The following PTPRD variants were observed in gnomAD, a reference collection of about 807,000 sequenced individuals.
The protein encoded by PTPRD is protein tyrosine phosphatase receptor type D, also known as receptor-type tyrosine-protein phosphatase delta.
In PTPRD, 34 loss-of-function variants were observed where a neutral mutation model predicts 214.5. That is an observed-to-expected ratio of 0.16 (90% CI 0.12 to 0.21). The LOEUF (loss-of-function observed/expected upper bound fraction) is 0.21. Among genes scored for constraint, PTPRD ranks in the 10% least tolerant of loss-of-function variants. The pLI, the probability that PTPRD is intolerant of heterozygous loss-of-function variation, is 1.00. For synonymous variants in PTPRD, 1,128 were observed against 845.7 expected (o/e 1.33, Z -5.79); for missense variants, 2,545 against 2,398.7 (o/e 1.06, Z -1.27).
chr9:10,162,138 C>T (rs1468695660), intron 3 of PTPRD, among the ~76,000 whole-genome samples: 2 of 151,452 alleles, frequency 1.3e-5, no homozygotes, highest in Admixed American at 6.6e-5. Flanking sequence ...TATGAAGGTT[C>T]CTCAATAAAT....
intron 3 of PTPRD, among the ~76,000 whole-genome samples, chr9:10,156,632 G>A (rs2099095026): frequency 6.6e-6 from 1 of 152,166 alleles, no homozygotes; most frequent in African/African-American, 2.4e-5. Context: ...AGAGAGTTGT[G>A]TAGATGTCTA....
intron 4 of PTPRD, among the ~76,000 whole-genome samples, chr9:9,986,214 TAA>T (rs917328210): frequency 6.6e-6 from 1 of 152,132 alleles, no homozygotes; most frequent in African/African-American, 2.4e-5. Context: ...CCGAAAGTTT[TAA>T]AATGTTGTAT....
intron 7 of PTPRD, among the ~76,000 whole-genome samples, chr9:9,638,352 G>A (rs1417673948): frequency 2.0e-5 from 3 of 152,244 alleles, no homozygotes; most frequent in East Asian, 3.9e-4. Context: ...TCACTCTTAA[G>A]TTCTGCCTTC....
intron 21 of PTPRD, among the ~76,000 whole-genome samples, chr9:8,508,277 A>G (rs2097581438): frequency 6.6e-6 from 1 of 152,354 alleles, no homozygotes; most frequent in Non-Finnish European, 1.5e-5. Flanking sequence ...AAGTCTATTC[A>G]GTTTAAAACA....
At chr9:8,754,709 C>A (rs978270751) in intron 11 of PTPRD, among the ~76,000 whole-genome samples, 5 of 135,192 alleles carry the variant, frequency 3.7e-5, no homozygotes, top group African/African-American at 9.8e-5. Context: ...AAGGTAATGA[C>A]AATAAAGATT....
At chr9:10,125,612 G>A (rs968085105) in intron 3 of PTPRD, among the ~76,000 whole-genome samples, 1 of 137,972 alleles carries the variant, frequency 7.2e-6, no homozygotes, top group Admixed American at 7.7e-5. Context: ...GCGCTACCAC[G>A]CTCGGCTAAT....
chr9:8,414,998 G>A (rs2093825236), intron 35 of PTPRD, among the ~76,000 whole-genome samples: 1 of 149,492 alleles, frequency 6.7e-6, no homozygotes, highest in East Asian at 2.0e-4. Context: ...GGCAGTCTCT[G>A]CTAAAAAGTA....
intron 5 of PTPRD, among the ~76,000 whole-genome samples, chr9:9,917,240 A>T (rs1170241051): frequency 6.7e-6 from 1 of 149,428 alleles, no homozygotes; most frequent in African/African-American, 2.4e-5. Flanking sequence ...AATTTTTAAA[A>T]ATCCACAAAA....
chr9:9,422,230 A>AC (rs1352382125), intron 8 of PTPRD, among the ~76,000 whole-genome samples: 1 of 152,158 alleles, frequency 6.6e-6, no homozygotes, highest in Non-Finnish European at 1.5e-5. Context: ...CACGAAGGGC[A>AC]CAAAGAGGTT....
rs549940843 is a variant in PTPRD at position 9,883,256 on chromosome 9, T to A, written c.-368+55251A>T. 2.0e-4 allele frequency among the ~76,000 whole-genome samples: 31 copies of A among 152,280 alleles called. No individual in the cohort carries two copies. The East Asian group carries it at 5.6e-3, about 27-fold the overall frequency. On this transcript the variant is annotated intron_variant, in intron 5 of 45. Transcript: ENST00000381196. ...AGTTTATTTTTTCAATCTTCTCTTGTTGCTGCAAACATCTCAACACAAATT... is the reference window on the plus strand; with the variant it reads ...AGTTTATTTTTTCAATCTTCTCTTGATGCTGCAAACATCTCAACACAAATT...
intron 11 of PTPRD, among the ~76,000 whole-genome samples, chr9:8,967,052 C>A (rs1434707263): frequency 1.3e-5 from 2 of 151,738 alleles, no homozygotes; most frequent in African/African-American, 4.8e-5. Flanking sequence ...AAAATGCTAT[C>A]ATCACTAACA....
At chr9:9,273,217 T>C (rs1393696779) in intron 9 of PTPRD, among the ~76,000 whole-genome samples, 1 of 151,304 alleles carries the variant, frequency 6.6e-6, no homozygotes, top group African/African-American at 2.4e-5. Flanking sequence ...TAGTAAATTC[T>C]TATTGAGTTT....
At chr9:8,679,664 G>T (rs560769583) in intron 12 of PTPRD, among the ~76,000 whole-genome samples, 28 of 152,352 alleles carry the variant, frequency 1.8e-4, no homozygotes, top group African/African-American at 6.0e-4. Context: ...CTGAGATTCA[G>T]AGGTGAAAGA....
At chr9:9,134,999 G>C (rs1442898799) in intron 10 of PTPRD, among the ~76,000 whole-genome samples, 1 of 152,122 alleles carries the variant, frequency 6.6e-6, no homozygotes, top group African/African-American at 2.4e-5. Flanking sequence ...TCTGTGCAAT[G>C]ACACAGTCAT....
intron 11 of PTPRD, chr9:8,862,105 C>T (rs901570768): frequency 6.6e-6 from 1 of 152,228 alleles, no homozygotes; most frequent in African/African-American, 2.4e-5. Context: ...ACCTGTAATC[C>T]CAGCACTTTT....
intron 11 of PTPRD, among the ~76,000 whole-genome samples, chr9:8,923,012 T>C (rs1458405835): frequency 1.4e-5 from 2 of 141,634 alleles, no homozygotes; most frequent in Non-Finnish European, 3.0e-5. Flanking sequence ...CTCTTCTTCC[T>C]TTGTTTCTTT....
intron 7 of PTPRD, among the ~76,000 whole-genome samples, chr9:9,625,206 T>C (rs148786108): frequency 1.3e-3 from 192 of 152,316 alleles, no homozygotes; most frequent in Non-Finnish European, 1.6e-3. Flanking sequence ...TGGAGGTATG[T>C]CACAGTGGGG....
intron 2 of PTPRD, among the ~76,000 whole-genome samples, chr9:10,346,420 T>G (rs953074973): frequency 4.6e-5 from 7 of 152,092 alleles, no homozygotes; most frequent in African/African-American, 1.7e-4. Context: ...ACATAAAGTA[T>G]GAGGAGGACA....
chr9:9,561,802 C>A (rs1179587151), intron 8 of PTPRD, among the ~76,000 whole-genome samples: 1 of 152,190 alleles, frequency 6.6e-6, no homozygotes. Context: ...TTTCTATCTA[C>A]TGGTTGTACC....
Sources: gnomAD v4.1 joint callset for allele counts (sites outside exome capture counted in the v4.1 genomes callset) on GRCh38, gnomAD v4.1.1 for gene constraint, MANE v1.5 for transcripts, NCBI Gene and HGNC (gene_info 2026-07-23, HGNC 2026-07-21) for gene names.